UVRAG: variants seen among roughly 807,000 people sequenced by gnomAD.
UVRAG encodes the protein UV radiation resistance associated, also known as UV radiation resistance-associated gene protein.
In UVRAG, 19 loss-of-function variants were observed where a neutral mutation model predicts 78.0. The ratio of observed to expected loss-of-function variants is 0.24; its 90% CI spans 0.17 to 0.36. The LOEUF is 0.36. Among genes scored for constraint, UVRAG ranks in the 10% least tolerant of loss-of-function variants. UVRAG has a pLI of 1.00. For missense variants in UVRAG, 740 were observed against 853.8 expected, an observed-to-expected ratio of 0.87 and a Z score of 1.66; for synonymous variants, 323 against 324.6, an observed-to-expected ratio of 1.00 and a Z score of 0.05.
chr11:76,129,204 T>G (rs1036899162), intron 14 of UVRAG, among the ~76,000 whole-genome samples: 15 of 152,214 alleles, frequency 9.9e-5, no homozygotes, highest in African/African-American at 3.4e-4. Flanking sequence ...GGCAGAGCAG[T>G]TTTAGAAGTC....
At chr11:75,956,388 C>CTTTTTTTTTTTTT (rs1319171839) in intron 6 of UVRAG, among the ~76,000 whole-genome samples, 1 of 128,774 alleles carries the variant, frequency 7.8e-6, no homozygotes, top group African/African-American at 2.8e-5. Flanking sequence ...CAATTCTTGC[C>CTTTTTTTTTTTTT]TTTTTTTTTT....
At chr11:76,077,237 A>G (rs1951420088) in intron 13 of UVRAG, among the ~76,000 whole-genome samples, 1 of 151,156 alleles carries the variant, frequency 6.6e-6, no homozygotes, top group South Asian at 2.1e-4. Context: ...AATTATATTT[A>G]TTTATACATA....
At chr11:75,893,349 A>G (rs930428060) in intron 5 of UVRAG, among the ~76,000 whole-genome samples, 1 of 152,058 alleles carries the variant, frequency 6.6e-6, no homozygotes, top group African/African-American at 2.4e-5. Context: ...TGGGCTCTTC[A>G]GGGTAAAATG....
At chr11:76,053,156 A>T (rs573923070) in intron 12 of UVRAG, among the ~76,000 whole-genome samples, 1 of 151,944 alleles carries the variant, frequency 6.6e-6, no homozygotes, top group African/African-American at 2.4e-5. Context: ...AAATACAAAA[A>T]TTAGCTGGGT....
chr11:76,080,508 T>C (rs1325748435), intron 13 of UVRAG, among the ~76,000 whole-genome samples: 2 of 151,812 alleles, frequency 1.3e-5, no homozygotes, highest in Non-Finnish European at 2.9e-5. Flanking sequence ...ATAGAATATA[T>C]ATATATAAAT....
intron 6 of UVRAG, among the ~76,000 whole-genome samples, chr11:75,947,645 A>G (rs934000003): frequency 6.6e-5 from 10 of 152,134 alleles, no homozygotes; most frequent in South Asian, 2.1e-4. Flanking sequence ...ACTGATGCCA[A>G]GGTTTGTGGG....
chr11:75,944,617 G>T (rs183317103), intron 6 of UVRAG, among the ~76,000 whole-genome samples: 1 of 152,114 alleles, frequency 6.6e-6, no homozygotes, highest in Non-Finnish European at 1.5e-5. Context: ...GGGAGACATG[G>T]TTTTTCCTCT....
At chr11:75,963,474 A>G (rs746584253) in intron 7 of UVRAG, among the ~76,000 whole-genome samples, 2 of 152,258 alleles carry the variant, frequency 1.3e-5, no homozygotes, top group East Asian at 1.9e-4. Flanking sequence ...AGGTTTACCT[A>G]TAGCATATTA....
intron 1 of UVRAG, among the ~76,000 whole-genome samples, chr11:75,848,652 ATG>A (rs1946086307): frequency 6.6e-6 from 1 of 152,200 alleles, no homozygotes; most frequent in African/African-American, 2.4e-5. Flanking sequence ...TGGTAATTGC[ATG>A]TGTCATAAAG....
intron 12 of UVRAG, among the ~76,000 whole-genome samples, chr11:76,043,718 A>G (rs2134335643): frequency 6.6e-6 from 1 of 152,308 alleles, no homozygotes; most frequent in South Asian, 2.1e-4. Context: ...CTGACTCCCA[A>G]GTTTGTATTA....
intron 11 of UVRAG, 66 bp downstream of exon 11, chr11:76,008,933 G>A (rs1455559818): frequency 2.1e-6 from 2 of 973,948 alleles, no homozygotes; most frequent in African/African-American, 1.7e-5. Flanking sequence ...ATCTTGAAAT[G>A]CTGGTTGCCT....
chr11:76,036,830 A>G (rs1473154355), intron 12 of UVRAG, among the ~76,000 whole-genome samples: 2 of 152,040 alleles, frequency 1.3e-5, no homozygotes, highest in Non-Finnish European at 2.9e-5. Flanking sequence ...AACAGTTTTT[A>G]AAAGGTAGGT....
intron 8 of UVRAG, among the ~76,000 whole-genome samples, chr11:76,001,424 A>C (rs1385336173): frequency 6.6e-6 from 1 of 152,184 alleles, no homozygotes; most frequent in Non-Finnish European, 1.5e-5. Context: ...AACTAAACCC[A>C]AGTCAAATCG....
chr11:75,893,670 C>CAAAAAAA (rs1048785134), intron 5 of UVRAG, among the ~76,000 whole-genome samples: 6 of 60,390 alleles, frequency 9.9e-5, no homozygotes, highest in African/African-American at 1.7e-4. Context: ...CTATCTCTAC[C>CAAAAAAA]AAAAAAAAAA....
intron 12 of UVRAG, among the ~76,000 whole-genome samples, chr11:76,042,696 C>A (rs573809448): frequency 2.0e-4 from 30 of 152,172 alleles, no homozygotes; most frequent in Non-Finnish European, 3.4e-4. Flanking sequence ...TGGTAATATT[C>A]AATTTCTTGG....
At chr11:75,869,080 A>G (rs1165303963) in intron 3 of UVRAG, among the ~76,000 whole-genome samples, 1 of 152,204 alleles carries the variant, frequency 6.6e-6, no homozygotes, top group Non-Finnish European at 1.5e-5. Flanking sequence ...CTGAGGAACC[A>G]GGTTCAGCAG....
intron 6 of UVRAG, among the ~76,000 whole-genome samples, chr11:75,959,378 AGCACTTCCT>A (rs1483726211): frequency 6.6e-6 from 1 of 152,224 alleles, no homozygotes; most frequent in Non-Finnish European, 1.5e-5. Context: ...CTTCTCCATT[AGCACTTCCT>A]GCTTCACCTT....
At chr11:75,873,295 C>T (rs2134835595) in intron 3 of UVRAG, among the ~76,000 whole-genome samples, 1 of 151,756 alleles carries the variant, frequency 6.6e-6, no homozygotes, top group South Asian at 2.1e-4. Context: ...TATTTTTGAC[C>T]CCAAAGTGAT....
chr11:75,957,062 AT>A (rs1254127307), intron 6 of UVRAG, among the ~76,000 whole-genome samples: 1 of 150,896 alleles, frequency 6.6e-6, no homozygotes, highest in Admixed American at 6.6e-5. Context: ...GGTATTTCTC[AT>A]TTTTTTAAAG....
Sources: gnomAD v4.1 joint callset for allele counts (sites outside exome capture counted in the v4.1 genomes callset) on GRCh38, gnomAD v4.1.1 for gene constraint, MANE v1.5 for transcripts, NCBI Gene and HGNC (gene_info 2026-07-23, HGNC 2026-07-21) for gene names.